The following LINGO2 variants were observed in gnomAD, a reference collection of about 807,000 sequenced individuals.
LINGO2 encodes leucine rich repeat and Ig domain containing 2, also known as leucine-rich repeat and immunoglobulin-like domain-containing nogo receptor-interacting protein 2.
LINGO2 carries 14 observed loss-of-function variants against 30.6 expected under a neutral mutation model. That is an observed-to-expected ratio of 0.46 (90% CI 0.30 to 0.72). The LOEUF is 0.72. LINGO2 is among the 30% of genes least tolerant of loss of function. The pLI is 0.07. For missense variants in LINGO2, 729 were observed against 751.7 expected (o/e 0.97, Z 0.35); for synonymous variants, 317 against 288.5 (o/e 1.10, Z -1.00).
At chr9:29,024,183 T>C in the LINGO2 span, among the ~76,000 whole-genome samples, 3 of 152,096 alleles carry the variant, frequency 2.0e-5, no homozygotes, top group Non-Finnish European at 4.4e-5. Context: ...TCATATAAAT[T>C]TTCGTTATAT....
intron 4 of LINGO2, among the ~76,000 whole-genome samples, chr9:28,098,823 C>T (rs1050691091): frequency 1.3e-5 from 2 of 152,120 alleles, no homozygotes; most frequent in South Asian, 2.1e-4. Context: ...CAGGGGTCCA[C>T]AGCTTATTTG....
chr9:29,137,857 A>AC, the LINGO2 span, among the ~76,000 whole-genome samples: 8 of 152,084 alleles, frequency 5.3e-5, no homozygotes, highest in African/African-American at 1.9e-4. Context: ...AGGTATTGAA[A>AC]CTATCTGCAT....
chr9:28,009,947 T>C (rs1822472789), intron 5 of LINGO2, among the ~76,000 whole-genome samples: 2 of 152,184 alleles, frequency 1.3e-5, no homozygotes, highest in African/African-American at 4.8e-5. Context: ...TTTTTCATAA[T>C]AGCCAAAAAG....
intron 4 of LINGO2, among the ~76,000 whole-genome samples, chr9:28,166,941 G>C (rs1828444649): frequency 6.6e-6 from 1 of 152,044 alleles, no homozygotes; most frequent in South Asian, 2.1e-4. Context: ...GACAGTCAAT[G>C]AGAACTCTCA....
chr9:27,968,296 C>T (rs539796513), intron 5 of LINGO2, among the ~76,000 whole-genome samples: 8 of 152,060 alleles, frequency 5.3e-5, no homozygotes, highest in African/African-American at 1.7e-4. Context: ...TATTGAAATA[C>T]TGAAAAAACA....
chr9:28,893,764 A>C, the LINGO2 span, among the ~76,000 whole-genome samples: 1 of 151,476 alleles, frequency 6.6e-6, no homozygotes. Context: ...TTTAATTATT[A>C]TTATACTTTA....
intron 1 of LINGO2, among the ~76,000 whole-genome samples, chr9:28,560,194 G>T (rs1476547861): frequency 6.6e-6 from 1 of 151,944 alleles, no homozygotes; most frequent in African/African-American, 2.4e-5. Context: ...CTGTATAGCT[G>T]GCCCACATTG....
At chr9:28,117,269 C>G (rs887099032) in intron 4 of LINGO2, among the ~76,000 whole-genome samples, 27 of 151,352 alleles carry the variant, frequency 1.8e-4, no homozygotes, top group Non-Finnish European at 2.5e-4. Flanking sequence ...TCTGCCCGTT[C>G]TCAGATCTCC....
chr9:28,388,208 T>C (rs757870437), intron 2 of LINGO2, among the ~76,000 whole-genome samples: 4 of 152,240 alleles, frequency 2.6e-5, no homozygotes, highest in Non-Finnish European at 4.4e-5. Context: ...GTGTCATGTC[T>C]CTATGATAGA....
At chr9:29,149,134 T>C in the LINGO2 span, among the ~76,000 whole-genome samples, 4 of 152,206 alleles carry the variant, frequency 2.6e-5, no homozygotes, top group Non-Finnish European at 5.9e-5. Context: ...AGTTCACTAA[T>C]ACAAGCACAC....
intron 4 of LINGO2, among the ~76,000 whole-genome samples, chr9:28,086,128 T>C (rs1275600150): frequency 6.6e-6 from 1 of 152,108 alleles, no homozygotes; most frequent in East Asian, 1.9e-4. Context: ...GGAGGGAAAC[T>C]TACTTTTCAC....
rs190542349 is a variant in LINGO2, at chr9:28,193,935, G to A, written c.-87+101273C>T. On this transcript the variant is annotated intron_variant, in intron 4 of 5. Transcript: ENST00000379992. ...CTCCAGGCAGTCATACTGCTCATAC[G>A]GCAGCTGATTTGCCCCAGAGTGAGC... Among the ~76,000 whole-genome samples the A allele has an allele frequency of 2.2e-3, 341 of 152,224 alleles. 2 individuals carry two copies. Among genetic ancestry groups the A allele is most frequent in the African/African-American group, 8.0e-3 (334 of 41,524 alleles).
intron 1 of LINGO2, among the ~76,000 whole-genome samples, chr9:28,642,010 T>C (rs1225289013): frequency 1.4e-5 from 2 of 139,460 alleles, no homozygotes; most frequent in African/African-American, 5.8e-5. Flanking sequence ...TTTATAATAC[T>C]CTGTTTTTTT....
chr9:28,432,028 T>G (rs946167217), intron 2 of LINGO2, among the ~76,000 whole-genome samples: 1 of 152,126 alleles, frequency 6.6e-6, no homozygotes, highest in African/African-American at 2.4e-5. Context: ...TACATCCAGA[T>G]GAGCATTTAA....
chr9:28,592,767 G>C (rs1439240506), intron 1 of LINGO2, among the ~76,000 whole-genome samples: 2 of 152,020 alleles, frequency 1.3e-5, no homozygotes, highest in African/African-American at 2.4e-5. Context: ...ATGGTAAAAA[G>C]ACTGAGAAAC....
chr9:28,490,558 G>C (rs1170734275), intron 1 of LINGO2, among the ~76,000 whole-genome samples: 1 of 152,082 alleles, frequency 6.6e-6, no homozygotes, highest in Non-Finnish European at 1.5e-5. Context: ...CTGTGCTCCA[G>C]GTTCCTTCAT....
At chr9:28,320,813 T>C (rs1386739625) in intron 3 of LINGO2, among the ~76,000 whole-genome samples, 1 of 152,148 alleles carries the variant, frequency 6.6e-6, no homozygotes, top group African/African-American at 2.4e-5. Context: ...CAGACATCTG[T>C]TCCCCTTCTG....
At chr9:28,154,556 G>C (rs56254585) in intron 4 of LINGO2, among the ~76,000 whole-genome samples, 4,541 of 152,218 alleles carry the variant, frequency 0.03, 91 homozygotes, top group Middle Eastern at 0.085. Flanking sequence ...ACAGAGTACT[G>C]TGTTTCTGGG....
the LINGO2 span, among the ~76,000 whole-genome samples, chr9:28,977,992 C>T: frequency 1.3e-5 from 2 of 152,008 alleles, no homozygotes; most frequent in Non-Finnish European, 2.9e-5. Context: ...GAAGCCAGAA[C>T]CACTGGAAAA....
Sources: gnomAD v4.1 joint callset for allele counts (sites outside exome capture counted in the v4.1 genomes callset) on GRCh38, gnomAD v4.1.1 for gene constraint, MANE v1.5 for transcripts, NCBI Gene and HGNC (gene_info 2026-07-23, HGNC 2026-07-21) for gene names.